The following FCSK variants were observed in gnomAD, a reference collection of about 807,000 sequenced individuals.
The protein encoded by FCSK is fucose kinase.
In FCSK, 123 loss-of-function variants were observed where a neutral mutation model predicts 122.5. That is an observed-to-expected ratio of 1.00 (90% CI 0.87 to 1.17). The LOEUF (loss-of-function observed/expected upper bound fraction) is 1.17, where lower values mean the gene tolerates loss of function less well. Ranked by LOEUF, FCSK falls within the 50% of genes most tolerant of loss-of-function variation. The pLI, the probability that FCSK is intolerant of heterozygous loss-of-function variation, is 0.00. For synonymous variants in FCSK, 620 were observed against 625.5 expected, an observed-to-expected ratio of 0.99 and a Z score of 0.13; for missense variants, 1,366 against 1,450.4, an observed-to-expected ratio of 0.94 and a Z score of 0.95.
At chr16:70,454,725 G>T (rs565662155) in intron 1 of FCSK, 95 bp downstream of exon 1, 1 of 151,550 alleles carries the variant, frequency 6.6e-6, no homozygotes, top group Non-Finnish European at 1.5e-5. Flanking sequence ...CTGACTGGGA[G>T]CACCGAGTCG....
At chr16:70,472,725 G>T in intron 14 of FCSK, 120 bp downstream of exon 14, 1 of 875,028 alleles carries the variant, frequency 1.1e-6, no homozygotes, top group South Asian at 1.8e-5. Context: ...CCAGGGGCCT[G>T]GGTGGTTTTG....
chr16:70,470,937 A>C (rs1567704186), intron 11 of FCSK, 34 bp from the exon 12 acceptor site: 3 of 1,537,302 alleles, frequency 2.0e-6, no homozygotes, highest in Non-Finnish European at 2.6e-6. Flanking sequence ...CTGGGCCTCG[A>C]CCCCCCTCAT....
chr16:70,463,038 T>C lies in FCSK; in HGVS notation c.-22-131T>C, dbSNP rs904357803. 4 of 538,452 alleles carry C rather than the reference T, an allele frequency of 7.4e-6. No individual in the cohort carries two copies. The African/African-American group carries it at 7.6e-5, about 10-fold the overall frequency. The allele number at this position is 538,452 out of a possible 1,614,324, so 33.4% of individuals were successfully genotyped here. A position where few individuals can be genotyped will look rare whatever the true frequency, so the allele number is the denominator to read the frequency against. ...GAGGAGAGGTTGCATGAGGAAGTTTTTTTGAGTGTAGATGGTGATACCAAC... is the reference window on the plus strand; with the variant it reads ...GAGGAGAGGTTGCATGAGGAAGTTTCTTTGAGTGTAGATGGTGATACCAAC... On this transcript the variant is annotated intron_variant, in intron 1 of 23. Transcript: ENST00000288078.
intron 2 of FCSK, 59 bp from the exon 3 acceptor site, chr16:70,463,564 G>C (rs1015080648): frequency 1.9e-6 from 3 of 1,594,184 alleles, no homozygotes; most frequent in Admixed American, 1.7e-5. Context: ...GCTTGCTTAC[G>C]TGCTTTGGGC....
chr16:70,469,384 TG>T, intron 10 of FCSK, 61 bp downstream of exon 10: 1 of 1,486,464 alleles, frequency 6.7e-7, no homozygotes, highest in Non-Finnish European at 9.0e-7. Context: ...ACCCCAAGAA[TG>T]GAGCTGCTCA....
chr16:70,471,027 T>C lies in FCSK; in HGVS notation c.1125T>C (p.Pro375=), dbSNP rs1271244585. 2.5e-6 allele frequency: 4 copies of C among 1,603,114 alleles called. No homozygotes were observed. Among genetic ancestry groups the C allele is most frequent in the Non-Finnish European group, 2.5e-6 (3 of 1,176,896 alleles). ...TGGTCAGCTGCCTGCTGGAGGGCCCTGTCCAGCTGGGTCCTGGGAGCGTCC... is the reference window on the plus strand; with the variant it reads ...TGGTCAGCTGCCTGCTGGAGGGCCCCGTCCAGCTGGGTCCTGGGAGCGTCC... ...SSVVSCLLEG[P]VQLGPGSVLQ... Residue 375 remains proline, a synonymous_variant, in exon 12 of 24, where the codon CCT becomes CCC. Transcript: ENST00000288078.
intron 4 of FCSK, 72 bp downstream of exon 4, chr16:70,465,248 G>C: frequency 7.1e-7 from 1 of 1,413,520 alleles, no homozygotes; most frequent in Non-Finnish European, 9.7e-7. Context: ...CAGGACTTCA[G>C]GGGTGTTCTG....
chr16:70,470,493 G>A (rs1349251142), intron 11 of FCSK, 67 bp downstream of exon 11: 2 of 970,552 alleles, frequency 2.1e-6, no homozygotes, highest in Non-Finnish European at 3.2e-6. Context: ...GGATTCCCGG[G>A]AAGAAAATAG....
In FCSK at chr16:70,479,699, A is replaced by G; in HGVS notation, c.*19A>G. ...CCCATGAAGCTGGCTTCTCTCTGCAACAGGAGAAAACCTGGAGCTACAGTG... is the reference window on the plus strand; with the variant it reads ...CCCATGAAGCTGGCTTCTCTCTGCAGCAGGAGAAAACCTGGAGCTACAGTG... On this transcript the variant is annotated 3_prime_UTR_variant, in exon 24 of 24. Coordinates refer to ENST00000288078, the MANE Select transcript of FCSK (RefSeq NM_145059.3). 1 of 1,599,288 alleles carries G rather than the reference A, an allele frequency of 6.3e-7. No individual in the cohort carries two copies. The highest frequency in any genetic ancestry group is 8.6e-7 in the Non-Finnish European group (1 of 1,167,778).
At chr16:70,454,679 C>CT in intron 1 of FCSK, 49 bp downstream of exon 1, 1 of 152,228 alleles carries the variant, frequency 6.6e-6, no homozygotes, top group Admixed American at 6.5e-5. Flanking sequence ...GCCCCTTGCG[C>CT]CCCTTGCGCC....
intron 10 of FCSK, among the ~76,000 whole-genome samples, chr16:70,469,848 T>G (rs566732032): frequency 2.0e-5 from 3 of 150,786 alleles, no homozygotes; most frequent in Non-Finnish European, 4.4e-5. Flanking sequence ...CTGTCTGCTT[T>G]CTTTTTTTTT....
chr16:70,463,034 G>GT (rs2151705190), intron 1 of FCSK, 135 bp from the exon 2 acceptor site: 2 of 532,790 alleles, frequency 3.8e-6, no homozygotes, highest in Non-Finnish European at 6.6e-6. Context: ...GCATGAGGAA[G>GT]TTTTTTTGAG....
At chr16:70,459,632 T>A (rs1354667800) in intron 1 of FCSK, among the ~76,000 whole-genome samples, 1 of 150,592 alleles carries the variant, frequency 6.6e-6, no homozygotes, top group East Asian at 2.0e-4. Flanking sequence ...AGTTACTTCA[T>A]CTCTCTGTGC....
At chr16:70,465,707 G>A (rs890966660) in intron 4 of FCSK, among the ~76,000 whole-genome samples, 5 of 152,062 alleles carry the variant, frequency 3.3e-5, no homozygotes, top group African/African-American at 9.7e-5. Flanking sequence ...CTCACACAGC[G>A]CTTTGGGAGG....
chr16:70,476,858 G>A (rs1371857095), intron 20 of FCSK, among the ~76,000 whole-genome samples: 4 of 152,208 alleles, frequency 2.6e-5, no homozygotes, highest in Non-Finnish European at 4.4e-5. Context: ...AAAACTATTT[G>A]TTGAGAACCC....
In FCSK at chr16:70,474,239, G is replaced by A. The variant is rs577363040; in HGVS notation, c.1888G>A (p.Ala630Thr). 5.6e-6 allele frequency: 9 copies of A among 1,609,506 alleles called. 1 individual carries two copies. In the Admixed American group the frequency reaches 1.5e-4, roughly 27 times the overall value. Residue 630 changes from alanine (A) to threonine (T), a missense_variant, in exon 16 of 24, where the codon GCC becomes ACC. Physicochemically the swap from Ala to Thr is moderately conservative, Grantham distance 58. Coordinates refer to ENST00000288078, the MANE Select transcript of FCSK (RefSeq NM_145059.3). ...TGGGGGCTTGCGGAGCGGGCCAGCT[G>A]CCAACCCTGAGTGGATGCGGCCCTT... ...GRGGLRSGPAANPEWMRPFSY... is the reference protein window; with the variant it reads ...GRGGLRSGPATNPEWMRPFSY...
At chr16:70,465,797 C>CA (rs1310255589) in intron 4 of FCSK, among the ~76,000 whole-genome samples, 3 of 151,430 alleles carry the variant, frequency 2.0e-5, no homozygotes, top group Non-Finnish European at 4.4e-5. Flanking sequence ...ACTAAAAATA[C>CA]AAAAAATTAG....
rs201881817 is a variant in FCSK, at chr16:70,478,539, C to G, written c.2830-12C>G. 261 of 1,613,600 alleles carry G rather than the reference C, an allele frequency of 1.6e-4. No homozygotes were observed. In the East Asian group the frequency reaches 5.6e-3, roughly 35 times the overall value. On this transcript the variant is annotated splice_polypyrimidine_tract_variant and intron_variant, in intron 21 of 23. Transcript: ENST00000288078. ...TGGGTCCTCACCACCCCTTCTCCTG[C>G]CCCGTCCGCAGGATGTGCTGAGGAG...
Position 70,475,505 on chromosome 16 carries a change from C to G in FCSK, c.2521+12C>G, listed in dbSNP as rs776057019. 6.2e-7 allele frequency: 1 copy of G among 1,600,568 alleles called. No homozygotes were observed. Among genetic ancestry groups the G allele is most frequent in the East Asian group, 2.2e-5 (1 of 44,752 alleles). On this transcript the variant is annotated intron_variant, in intron 19 of 23. Coordinates refer to ENST00000288078, the MANE Select transcript of FCSK (RefSeq NM_145059.3). ...CGGCTCTGGCCTGGGTGAGCGGGCC[C>G]TGCCTCCTGCTACCCACCGACTGTT... is the stretch of plus-strand genomic sequence containing the variant.
Sources: allele counts gnomAD v4.1 joint callset (sites outside exome capture counted in the v4.1 genomes callset), GRCh38; gene constraint gnomAD v4.1.1; transcripts MANE v1.5; gene names NCBI Gene and HGNC (gene_info 2026-07-23, HGNC 2026-07-21).